Variants in CNKSR2 observed in about 807,000 individuals in gnomAD.
CNKSR2 encodes connector enhancer of kinase suppressor of Ras 2, also known as CNK homolog protein 2.
CNKSR2 carries 14 observed loss-of-function variants against 84.4 expected under a neutral mutation model. That is an observed-to-expected ratio of 0.17 (90% CI 0.11 to 0.26). The LOEUF (loss-of-function observed/expected upper bound fraction) is 0.26. CNKSR2 is among the 10% of genes least tolerant of loss of function. The probability of loss-of-function intolerance (pLI) is 1.00; values close to 1 mark genes in which losing one functional copy is unlikely to be tolerated. For synonymous variants in CNKSR2, 275 were observed against 277.9 expected, an observed-to-expected ratio of 0.99 and a Z score of 0.10; for missense variants, 485 against 771.2, an observed-to-expected ratio of 0.63 and a Z score of 4.40.
At chrX:21,552,580 G>C (rs978945232) in intron 11 of CNKSR2, among the ~76,000 whole-genome samples, 2 of 111,968 alleles carry the variant, frequency 1.8e-5, no homozygotes, top group Admixed American at 1.9e-4. Flanking sequence ...TAAGCATATA[G>C]AACAACCTCT....
At chrX:21,632,990 T>TAC (rs200936630) in intron 20 of CNKSR2, among the ~76,000 whole-genome samples, 7,381 of 100,564 alleles carry the variant, frequency 0.073, 361 homozygotes, top group African/African-American at 0.17. Flanking sequence ...TTATATAATA[T>TAC]ACACACACAC....
At chrX:21,411,008 G>C (rs2090337982) in intron 1 of CNKSR2, among the ~76,000 whole-genome samples, 1 of 110,579 alleles carries the variant, frequency 9.0e-6, no homozygotes, top group Non-Finnish European at 1.9e-5. Context: ...GGTGCCCTTT[G>C]TTTCTGCAGT....
At chrX:21,456,406 G>C (rs899889941) in intron 4 of CNKSR2, among the ~76,000 whole-genome samples, 1 of 111,397 alleles carries the variant, frequency 9.0e-6, no homozygotes, top group African/African-American at 3.3e-5. Flanking sequence ...TCTACTCTCT[G>C]TTACTGTGAG....
chrX:21,405,737 T>C (rs2090254286), intron 1 of CNKSR2, among the ~76,000 whole-genome samples: 1 of 111,697 alleles, frequency 9.0e-6, no homozygotes, highest in South Asian at 3.7e-4. Context: ...TTCACTATTA[T>C]ATTGATTATG....
chrX:21,491,301 AACT>A (rs1383220670), intron 6 of CNKSR2: 2 of 111,965 alleles, frequency 1.8e-5, no homozygotes, highest in East Asian at 5.6e-4. Flanking sequence ...ACTACTACAC[AACT>A]ATTACATGTT....
intron 4 of CNKSR2, among the ~76,000 whole-genome samples, chrX:21,465,752 A>G (rs1341969694): frequency 9.0e-6 from 1 of 111,510 alleles, no homozygotes; most frequent in Non-Finnish European, 1.9e-5. Flanking sequence ...TCTTATGATT[A>G]TAATATACAA....
chrX:21,640,296 A>G (rs1172623549), intron 20 of CNKSR2, among the ~76,000 whole-genome samples: 1 of 111,722 alleles, frequency 9.0e-6, no homozygotes, highest in East Asian at 2.8e-4. Flanking sequence ...CTTAGAAATG[A>G]CCTTGTGCCC....
rs1357537969 is a variant in CNKSR2 at position 21,536,587 on chromosome X, G to T, written c.1303+4520G>T. Among the ~76,000 whole-genome samples the T allele has an allele frequency of 2.7e-5, 3 of 109,765 alleles. No homozygotes were observed. In the East Asian group the frequency reaches 8.6e-4, roughly 31 times the overall value. ...CTGTTCAGTTTTTTTATTTCTCCTT[G>T]ATTCAATCTTGATACATTATATGAG... On this transcript the variant is annotated intron_variant, in intron 11 of 21. Coordinates refer to ENST00000379510, the MANE Select transcript of CNKSR2 (RefSeq NM_014927.5).
At chrX:21,595,514 G>C (rs2092446613) in intron 17 of CNKSR2, 119 bp downstream of exon 17, 1 of 401,195 alleles carries the variant, frequency 2.5e-6, no homozygotes, top group Non-Finnish European at 4.3e-6. Context: ...AAATAAAATA[G>C]ACCCAGAATA....
rs1429860701 is a variant in CNKSR2 at position 21,403,532 on chromosome X, G to A, written c.65-22965G>A. On this transcript the variant is annotated intron_variant, in intron 1 of 21. Transcript: ENST00000379510. ...TCTACTGTGACTATGACTGATGATC[G>A]TAAAGTTTAGTTATAGAGAGAAAAG... Among the ~76,000 whole-genome samples the A allele has an allele frequency of 2.7e-5, 3 of 111,337 alleles. No individual in the cohort carries two copies. In the Admixed American group the frequency reaches 2.9e-4, roughly 11 times the overall value.
At position 21,654,349 on chromosome X, in the gene CNKSR2, A is replaced by G. The variant is rs2092728182; in HGVS notation, c.*1828A>G. 9.7e-6 allele frequency: 1 copy of G among 103,356 alleles called. No individual in the cohort carries two copies. The highest frequency in any genetic ancestry group is 1.1e-4 in the Admixed American group (1 of 9,378). 8.5% of individuals were successfully genotyped at this position (103,356 alleles called of 1,213,427 possible). On this transcript the variant is annotated 3_prime_UTR_variant, in exon 22 of 22. Transcript: ENST00000379510. Reference sequence around the variant, plus strand: ...TGCTTGTTAACAGGTGTTTAGACTTATTGATGTTTACTAGACCAAATGTGT... The same window carrying G: ...TGCTTGTTAACAGGTGTTTAGACTTGTTGATGTTTACTAGACCAAATGTGT...
At chrX:21,592,312 G>C (rs1477907653) in intron 15 of CNKSR2, 1 of 112,090 alleles carries the variant, frequency 8.9e-6, no homozygotes, top group Non-Finnish European at 1.9e-5. Context: ...TGGGCCCAGT[G>C]GTTCACACCT....
intron 11 of CNKSR2, among the ~76,000 whole-genome samples, chrX:21,543,809 T>C (rs2147146882): frequency 8.9e-6 from 1 of 112,028 alleles, no homozygotes; most frequent in African/African-American, 3.2e-5. Context: ...AGAGTTCTTT[T>C]TTTTCTTTTC....
intron 15 of CNKSR2, chrX:21,591,978 G>T (rs1247805425): frequency 9.0e-6 from 1 of 111,641 alleles, no homozygotes; most frequent in Non-Finnish European, 1.9e-5. Context: ...AATGTAGTGT[G>T]CTGGGTGAAT....
chrX:21,470,599 C>A, intron 4 of CNKSR2, 167 bp from the exon 5 acceptor site: 2 of 270,502 alleles, frequency 7.4e-6, no homozygotes, highest in South Asian at 2.2e-4. Context: ...ACCATCAGAG[C>A]TAACCATTAT....
At chrX:21,390,622 A>G (rs769734275) in intron 1 of CNKSR2, among the ~76,000 whole-genome samples, 2 of 111,426 alleles carry the variant, frequency 1.8e-5, no homozygotes, top group Non-Finnish European at 3.8e-5. Flanking sequence ...CTCCTCCAAC[A>G]TTGGGGATTA....
chrX:21,427,922 C>T, intron 2 of CNKSR2: 1 of 111,273 alleles, frequency 9.0e-6, no homozygotes, highest in Non-Finnish European at 1.9e-5. Context: ...GTTTGCCAGA[C>T]AAAAAGTTGG....
At chrX:21,402,253 G>A (rs1477871278) in intron 1 of CNKSR2, among the ~76,000 whole-genome samples, 1 of 110,978 alleles carries the variant, frequency 9.0e-6, no homozygotes, top group Admixed American at 9.6e-5. Flanking sequence ...CAAACCTAGG[G>A]CAAGTAAAAG....
chrX:21,588,529 T>G (rs1366818470), intron 13 of CNKSR2, among the ~76,000 whole-genome samples: 2 of 112,362 alleles, frequency 1.8e-5, no homozygotes, highest in Non-Finnish European at 3.8e-5. Flanking sequence ...CATCTAAGGC[T>G]TTGCTTCTTT....
Sources: gnomAD v4.1 joint callset for allele counts (sites outside exome capture counted in the v4.1 genomes callset) on GRCh38, gnomAD v4.1.1 for gene constraint, MANE v1.5 for transcripts, NCBI Gene and HGNC (gene_info 2026-07-23, HGNC 2026-07-21) for gene names.